CUBN: variants seen among roughly 807,000 people sequenced by gnomAD.
The protein encoded by CUBN is cubilin, also known as 460 kDa receptor.
In CUBN, 282 loss-of-function variants were observed where a neutral mutation model predicts 405.3. The observed-to-expected ratio is 0.70, with a 90% CI of 0.63 to 0.77. The LOEUF is 0.77. CUBN is among the 30% of genes least tolerant of loss of function. CUBN has a pLI of 0.00. For synonymous variants in CUBN, 1,684 were observed against 1,617.0 expected (o/e 1.04, Z -0.99); for missense variants, 4,514 against 4,475.2 (o/e 1.01, Z -0.25).
chr10:16,979,780 G>A (rs964388412), intron 31 of CUBN, among the ~76,000 whole-genome samples: 1 of 152,116 alleles, frequency 6.6e-6, no homozygotes, highest in African/African-American at 2.4e-5. Flanking sequence ...ACATAGGCAT[G>A]GGCAAAGACT....
intron 27 of CUBN, among the ~76,000 whole-genome samples, chr10:17,026,513 G>A (rs1386556624): frequency 1.3e-5 from 2 of 152,054 alleles, no homozygotes; most frequent in East Asian, 3.9e-4. Flanking sequence ...TACGCCTGTA[G>A]TCCCAGCTAC....
At chr10:17,108,815 C>T (rs1420890866) in intron 10 of CUBN, among the ~76,000 whole-genome samples, 1 of 152,018 alleles carries the variant, frequency 6.6e-6, no homozygotes. Context: ...CCAGGAAAAA[C>T]ACTTATAAAA....
At chr10:16,851,108 G>A (rs1839670731) in intron 60 of CUBN, 127 bp downstream of exon 60, 2 of 738,600 alleles carry the variant, frequency 2.7e-6, no homozygotes, top group Non-Finnish European at 4.8e-6. Context: ...TGAAGAAAAG[G>A]TCATTTTAAA....
intron 43 of CUBN, among the ~76,000 whole-genome samples, chr10:16,921,345 A>G (rs146802056): frequency 2.0e-5 from 3 of 152,186 alleles, no homozygotes; most frequent in African/African-American, 7.2e-5. Flanking sequence ...TTCCCTCTGT[A>G]CATTAACTTC....
intron 22 of CUBN, among the ~76,000 whole-genome samples, chr10:17,050,674 C>T (rs1835244703): frequency 6.6e-6 from 1 of 152,112 alleles, no homozygotes; most frequent in Admixed American, 6.5e-5. Flanking sequence ...GGGGATACCT[C>T]CTTAACACCT....
chr10:16,986,080 C>A (rs1271103746), intron 29 of CUBN, among the ~76,000 whole-genome samples: 2 of 152,228 alleles, frequency 1.3e-5, no homozygotes, highest in African/African-American at 4.8e-5. Flanking sequence ...AAGATGCTGA[C>A]TCCTCATCTT....
intron 39 of CUBN, among the ~76,000 whole-genome samples, chr10:16,934,389 A>G (rs1469419123): frequency 6.6e-6 from 1 of 152,216 alleles, no homozygotes; most frequent in African/African-American, 2.4e-5. Context: ...GAATCTTATC[A>G]GGGCCAACAG....
chr10:17,068,878 A>G, intron 19 of CUBN, 108 bp from the exon 20 acceptor site: 1 of 926,342 alleles, frequency 1.1e-6, no homozygotes, highest in East Asian at 2.5e-5. Context: ...TCAATTTGAG[A>G]ATACAATCAA....
At chr10:16,846,470 T>C (rs1839512067) in intron 60 of CUBN, among the ~76,000 whole-genome samples, 1 of 152,092 alleles carries the variant, frequency 6.6e-6, no homozygotes, top group Admixed American at 6.5e-5. Context: ...ACATTATGGG[T>C]AGGTTATAGC....
Position 16,925,836 on chromosome 10 carries a change from T to C in CUBN, c.6272-62A>G. 6 of 1,462,768 alleles carry C rather than the reference T, an allele frequency of 4.1e-6. No homozygotes were observed. The South Asian group carries it at 6.9e-5, about 17-fold the overall frequency. 90.6% of individuals were successfully genotyped at this position (1,462,768 alleles called of 1,614,324 possible). A position where few individuals can be genotyped will look rare whatever the true frequency, so the allele number is the denominator to read the frequency against. The stretch of plus-strand genomic sequence containing the variant: ...GCATTGGCAACTGGATTTTTATGCT[T>C]TCTTAGTTTTCTTGGGGGGTTTTCA... On this transcript the variant is annotated intron_variant, in intron 41 of 66. Transcript: ENST00000377833.
At chr10:16,902,270 T>C (rs1588634130) in intron 51 of CUBN, among the ~76,000 whole-genome samples, 1 of 139,600 alleles carries the variant, frequency 7.2e-6, no homozygotes, top group East Asian at 2.0e-4. Context: ...TATATATATA[T>C]TTGTATATAT....
chr10:16,907,804 A>G (rs1841598380), intron 48 of CUBN, 125 bp from the exon 49 acceptor site: 6 of 950,790 alleles, frequency 6.3e-6, no homozygotes, highest in Admixed American at 1.9e-5. Flanking sequence ...TGAATGACCT[A>G]ACAATGCAGG....
At chr10:17,059,880 G>C (rs1210452117) in intron 22 of CUBN, among the ~76,000 whole-genome samples, 1 of 152,198 alleles carries the variant, frequency 6.6e-6, no homozygotes, top group Admixed American at 6.5e-5. Context: ...ATCTGGCAAA[G>C]TCATGGTCCT....
chr10:17,073,812 T>C (rs1430764264), intron 17 of CUBN, among the ~76,000 whole-genome samples: 1 of 152,224 alleles, frequency 6.6e-6, no homozygotes, highest in Non-Finnish European at 1.5e-5. Flanking sequence ...AAAACCTACC[T>C]CTGTCACTTA....
At chr10:17,034,313 G>A (rs983285848) in intron 27 of CUBN, among the ~76,000 whole-genome samples, 3 of 152,176 alleles carry the variant, frequency 2.0e-5, no homozygotes, top group Admixed American at 6.5e-5. Flanking sequence ...ATATAATGAG[G>A]TAAACATAAT....
intron 5 of CUBN, 194 bp downstream of exon 5, chr10:17,123,394 C>G (rs1837091424): frequency 3.2e-6 from 2 of 628,104 alleles, no homozygotes; most frequent in South Asian, 3.8e-5. Context: ...CTTTCAATGG[C>G]TTTAGTATTT....
intron 1 of CUBN, 145 bp from the exon 2 acceptor site, chr10:17,129,395 C>T (rs1837269579): frequency 9.7e-7 from 1 of 1,028,650 alleles, no homozygotes; most frequent in East Asian, 2.5e-5. Flanking sequence ...TGCTCATCTG[C>T]CACTTTTTTC....
intron 63 of CUBN, 46 bp downstream of exon 63, chr10:16,836,189 A>T (rs1283962348): frequency 6.6e-7 from 1 of 1,524,692 alleles, no homozygotes; most frequent in East Asian, 2.2e-5. Flanking sequence ...GAATAATGGT[A>T]ATGATGGCAG....
chr10:16,959,934 A>C (rs1235336499), intron 31 of CUBN, among the ~76,000 whole-genome samples: 10 of 152,218 alleles, frequency 6.6e-5, no homozygotes, highest in Non-Finnish European at 1.5e-4. Context: ...AAGTGGTAAA[A>C]GTCAGGGCAA....
Sources: allele counts gnomAD v4.1 joint callset (sites outside exome capture counted in the v4.1 genomes callset), GRCh38; gene constraint gnomAD v4.1.1; transcripts MANE v1.5; gene names NCBI Gene and HGNC (gene_info 2026-07-23, HGNC 2026-07-21).